BNC2: variants seen among roughly 807,000 people sequenced by gnomAD.
The protein encoded by BNC2 is basonuclin zinc finger protein 2, also known as zinc finger protein basonuclin-2.
BNC2 carries 20 observed loss-of-function variants against 76.3 expected under a neutral mutation model. The observed-to-expected ratio is 0.26, with a 90% CI of 0.18 to 0.38. BNC2 has a LOEUF of 0.38. Ranked by LOEUF, BNC2 falls within the 10% of genes least tolerant of loss-of-function variation. The pLI is 1.00. For synonymous variants in BNC2, 582 were observed against 514.8 expected (o/e 1.13, Z -1.77); for missense variants, 1,382 against 1,399.8 (o/e 0.99, Z 0.20).
chr9:16,690,858 C>G (rs1275480182), intron 3 of BNC2, among the ~76,000 whole-genome samples: 1 of 152,048 alleles, frequency 6.6e-6, no homozygotes, highest in Non-Finnish European at 1.5e-5. Context: ...GGGGGGATGC[C>G]AGGGTGCGGG....
At chr9:16,706,427 C>G (rs1173254455) in intron 3 of BNC2, among the ~76,000 whole-genome samples, 1 of 152,130 alleles carries the variant, frequency 6.6e-6, no homozygotes, top group Non-Finnish European at 1.5e-5. Flanking sequence ...TGTGATTATC[C>G]CTACAGAAGG....
In BNC2 at chr9:16,526,364, A is replaced by C. The variant is rs150713178; in HGVS notation, c.669+26166T>G. On this transcript the variant is annotated intron_variant, in intron 5 of 6. Transcript: ENST00000380672. ...TAAATTCCTTTCCAAATGAAAACCA[A>C]ACCAACATAATACCTAACTGATTTA... is the stretch of plus-strand genomic sequence containing the variant. Among the ~76,000 whole-genome samples the C allele has an allele frequency of 5.8e-3, 877 of 152,226 alleles. 16 individuals carry two copies. Among genetic ancestry groups the C allele is most frequent in the Admixed American group, 0.038 (583 of 15,288 alleles).
intron 1 of BNC2, among the ~76,000 whole-genome samples, chr9:16,789,794 C>G (rs1817449053): frequency 6.6e-6 from 1 of 152,202 alleles, no homozygotes; most frequent in Admixed American, 6.5e-5. Context: ...TATTCATTCA[C>G]ATGTGTACAT....
intron 5 of BNC2, chr9:16,473,193 T>C (rs1821860369): frequency 6.6e-6 from 1 of 152,220 alleles, no homozygotes; most frequent in Non-Finnish European, 1.5e-5. Context: ...GAAGAAACTA[T>C]TTTAATTAGC....
intron 2 of BNC2, 123 bp from the exon 3 acceptor site, chr9:16,728,120 G>C (rs1824404223): frequency 3.1e-6 from 2 of 644,484 alleles, no homozygotes; most frequent in East Asian, 3.8e-5. Context: ...GGAGGGAGGG[G>C]GTCAGAGCTT....
chr9:16,838,679 C>G (rs1359068324), intron 1 of BNC2, among the ~76,000 whole-genome samples: 2 of 152,176 alleles, frequency 1.3e-5, no homozygotes, highest in East Asian at 3.8e-4. Flanking sequence ...AATGGTAAAT[C>G]CAGTGTTTTC....
chr9:16,411,132 T>C lies in BNC2; in HGVS notation c.*7857A>G, dbSNP rs1288325767. 6.6e-6 allele frequency: 1 copy of C among 152,440 alleles called. No homozygotes were observed. Among genetic ancestry groups the C allele is most frequent in the East Asian group, 1.9e-4 (1 of 5,204 alleles). 9.4% of individuals were successfully genotyped at this position (152,440 alleles called of 1,614,324 possible). On this transcript the variant is annotated 3_prime_UTR_variant, in exon 7 of 7. Transcript: ENST00000380672. ...AAAAACATATCCAGGGCCAGATGAA[T>C]GGAGCTCTCTCACACACCCAGGGTC...
chr9:16,650,693 G>C (rs1821769382), intron 3 of BNC2, among the ~76,000 whole-genome samples: 1 of 152,066 alleles, frequency 6.6e-6, no homozygotes, highest in African/African-American at 2.4e-5. Flanking sequence ...GTATTATGCA[G>C]TATAGCATAA....
chr9:16,559,452 A>T (rs894340702), intron 4 of BNC2, among the ~76,000 whole-genome samples: 1 of 152,210 alleles, frequency 6.6e-6, no homozygotes, highest in Admixed American at 6.5e-5. Flanking sequence ...CAGTATTATT[A>T]TTATTGCTTA....
chr9:16,543,850 G>T (rs1818395652), intron 5 of BNC2, among the ~76,000 whole-genome samples: 1 of 152,138 alleles, frequency 6.6e-6, no homozygotes, highest in African/African-American at 2.4e-5. Context: ...GGGAGGTTAG[G>T]AGGCTTGCCA....
At chr9:16,629,306 G>A (rs900027003) in intron 3 of BNC2, among the ~76,000 whole-genome samples, 21 of 152,186 alleles carry the variant, frequency 1.4e-4, no homozygotes, top group Non-Finnish European at 2.8e-4. Flanking sequence ...AATAATTTTC[G>A]TTTTGAATGA....
intron 1 of BNC2, among the ~76,000 whole-genome samples, chr9:16,813,251 G>A (rs1298752879): frequency 6.6e-6 from 1 of 151,680 alleles, no homozygotes; most frequent in Non-Finnish European, 1.5e-5. Context: ...CATAACGGAA[G>A]CAAGCAGAAA....
At chr9:16,767,794 G>C (rs539958902) in intron 1 of BNC2, among the ~76,000 whole-genome samples, 6 of 152,120 alleles carry the variant, frequency 3.9e-5, no homozygotes, top group South Asian at 2.1e-4. Flanking sequence ...GGTCAGTCTT[G>C]TTTCACCTCT....
rs769759586 is a variant in BNC2 at position 16,419,307 on chromosome 9, G to A, written c.2982C>T (p.Asp994=). ...CCGACTCCCCACTGTCACTCGCCCC[G>A]TCAATGTCATCGAGAAGAATCCCCT... ...SDEGILLDDI[D]GASDSGESAH... Residue 994 remains aspartate, a synonymous_variant, in exon 7 of 7, where the codon GAC becomes GAT. Coordinates refer to ENST00000380672, the MANE Select transcript of BNC2 (RefSeq NM_017637.6). 1.1e-5 allele frequency: 18 copies of A among 1,613,632 alleles called. No homozygotes were observed. The highest frequency in any genetic ancestry group is 1.6e-4 in the Middle Eastern group (1 of 6,084).
chr9:16,803,717 T>G (rs1817837227), intron 1 of BNC2, among the ~76,000 whole-genome samples: 1 of 152,222 alleles, frequency 6.6e-6, no homozygotes, highest in South Asian at 2.1e-4. Flanking sequence ...GTTGATTTGG[T>G]AGTGTCATTT....
intron 3 of BNC2, among the ~76,000 whole-genome samples, chr9:16,723,350 G>A (rs891360223): frequency 3.3e-5 from 5 of 152,088 alleles, no homozygotes; most frequent in African/African-American, 9.7e-5. Flanking sequence ...AAAAAGGGAT[G>A]TCTATTTGAG....
rs1818497864 is a variant in BNC2 at position 16,546,819 on chromosome 9, A to G, written c.669+5711T>C. ...CAGACTCTCACATATTACATTCTGG[A>G]AAGACAGGCTGGTAGCCTTAAAAAC... On this transcript the variant is annotated intron_variant, in intron 5 of 6. Transcript: ENST00000380672. Among the ~76,000 whole-genome samples, 3 of 152,232 alleles carry G rather than the reference A, an allele frequency of 2.0e-5. No homozygotes were observed. The South Asian group carries it at 6.2e-4, about 32-fold the overall frequency.
At position 16,602,070 on chromosome 9, in the gene BNC2, T is replaced by C. The variant is rs370505792; in HGVS notation, c.331-18985A>G. The stretch of plus-strand genomic sequence containing the variant: ...TACCATTCTGCTTTCATAATTTTTG[T>C]CATTCTAACCCCCTTGCAGGAACTA... On this transcript the variant is annotated intron_variant, in intron 3 of 6. Transcript: ENST00000380672. Among the ~76,000 whole-genome samples, 9 of 152,262 alleles carry C rather than the reference T, an allele frequency of 5.9e-5. No homozygotes were observed. The East Asian group carries it at 1.4e-3, about 23-fold the overall frequency.
At chr9:16,650,543 C>T (rs1821764660) in intron 3 of BNC2, among the ~76,000 whole-genome samples, 1 of 151,874 alleles carries the variant, frequency 6.6e-6, no homozygotes, top group African/African-American at 2.4e-5. Context: ...AAGATTATTT[C>T]AAAATTTTTT....
Sources: allele counts gnomAD v4.1 joint callset (sites outside exome capture counted in the v4.1 genomes callset), GRCh38; gene constraint gnomAD v4.1.1; transcripts MANE v1.5; gene names NCBI Gene and HGNC (gene_info 2026-07-23, HGNC 2026-07-21).